Variants in FOXO1 observed in about 807,000 individuals in gnomAD.
The protein encoded by FOXO1 is forkhead box O1.
A neutral mutation model predicts 44.1 loss-of-function variants in FOXO1; 6 were observed. The ratio of observed to expected loss-of-function variants is 0.14; its 90% CI spans 0.07 to 0.27. The LOEUF is 0.27. FOXO1 is among the 10% of genes least tolerant of loss of function. FOXO1 has a pLI of 1.00. For synonymous variants in FOXO1, 380 were observed against 362.7 expected (o/e 1.05, Z -0.54); for missense variants, 737 against 888.8 (o/e 0.83, Z 2.17).
chr13:40,619,948 AG>A (rs2137900901), intron 1 of FOXO1: 2 of 678,140 alleles, frequency 2.9e-6, no homozygotes, highest in African/African-American at 3.6e-5. Flanking sequence ...AGGGCCAATA[AG>A]ATCTACTATA....
intron 1 of FOXO1, among the ~76,000 whole-genome samples, chr13:40,657,418 C>T (rs1877894312): frequency 6.6e-6 from 1 of 151,788 alleles, no homozygotes; most frequent in Admixed American, 6.6e-5. Flanking sequence ...CCTCCAACCC[C>T]CTGCCCCAAG....
chr13:40,658,993 C>A (rs1280837550), intron 1 of FOXO1, among the ~76,000 whole-genome samples: 2 of 151,500 alleles, frequency 1.3e-5, no homozygotes, highest in Non-Finnish European at 2.9e-5. Flanking sequence ...GCCTGGATGA[C>A]TGAGCAAGAC....
chr13:40,635,039 T>G (rs1877100626), intron 1 of FOXO1, among the ~76,000 whole-genome samples: 1 of 152,152 alleles, frequency 6.6e-6, no homozygotes, highest in Non-Finnish European at 1.5e-5. Flanking sequence ...GCATCATTCA[T>G]TAAAATCTAA....
intron 1 of FOXO1, among the ~76,000 whole-genome samples, chr13:40,650,201 A>G (rs1877634931): frequency 6.6e-6 from 1 of 152,202 alleles, no homozygotes; most frequent in African/African-American, 2.4e-5. Flanking sequence ...GTAAACTGTC[A>G]TGGGGCTTGT....
At chr13:40,648,118 T>G (rs1222732195) in intron 1 of FOXO1, among the ~76,000 whole-genome samples, 3 of 152,210 alleles carry the variant, frequency 2.0e-5, no homozygotes, top group African/African-American at 7.2e-5. Flanking sequence ...TCAATTTAAT[T>G]ATTGGCTCAG....
At chr13:40,575,342 A>T (rs1342153648) in intron 1 of FOXO1, among the ~76,000 whole-genome samples, 1 of 152,012 alleles carries the variant, frequency 6.6e-6, no homozygotes, top group Non-Finnish European at 1.5e-5. Context: ...TAAATAAGGG[A>T]CCATTCAGAG....
intron 1 of FOXO1, among the ~76,000 whole-genome samples, chr13:40,617,681 C>A (rs547815186): frequency 1.3e-5 from 2 of 151,824 alleles, no homozygotes; most frequent in South Asian, 4.2e-4. Flanking sequence ...GAAGGAATAC[C>A]AAACATGTTG....
At chr13:40,615,254 GGGCCAGACGCAGT>G (rs1876380062) in intron 1 of FOXO1, among the ~76,000 whole-genome samples, 1 of 152,150 alleles carries the variant, frequency 6.6e-6, no homozygotes, top group South Asian at 2.1e-4. Flanking sequence ...AAAGCAGAGG[GGGCCAGACGCAGT>G]GGCTCACGCC....
At position 40,560,242 on chromosome 13, in the gene FOXO1, G is replaced by A; in HGVS notation, c.1249C>T (p.Pro417Ser). 1 of 1,614,208 alleles carries A rather than the reference G, an allele frequency of 6.2e-7. No homozygotes were observed. The highest frequency in any genetic ancestry group is 8.5e-7 in the Non-Finnish European group (1 of 1,180,044). The change falls in exon 2 of 3, where the codon CCC becomes TCC. Residue 417 changes from proline to serine, a missense_variant. This residue lies in a region of FOXO1 where 283 missense variants were observed against 278.1 expected (regional missense o/e 1.02). Coordinates refer to ENST00000379561, the MANE Select transcript of FOXO1 (RefSeq NM_002015.4). This position sits in a 1 kb window ranked among gnomAD's most constrained non-coding sequence, Gnocchi z 5.1. ...FAPPNTSLNSPSPNYQKYTYG... is the reference protein window; with the variant it reads ...FAPPNTSLNSSSPNYQKYTYG... ...GTATATTTTTGGTAGTTTGGGCTGGGTGAATTCAAACTGGTGTTTGGTGGC... is the reference window on the plus strand; with the variant it reads ...GTATATTTTTGGTAGTTTGGGCTGGATGAATTCAAACTGGTGTTTGGTGGC...
At chr13:40,623,093 CCTTTCT>C (rs1876669501) in intron 1 of FOXO1, among the ~76,000 whole-genome samples, 1 of 151,734 alleles carries the variant, frequency 6.6e-6, no homozygotes, top group Non-Finnish European at 1.5e-5. Flanking sequence ...CATTTATTCA[CCTTTCT>C]CTAAGTTATC....
At chr13:40,597,185 T>C (rs1875612296) in intron 1 of FOXO1, among the ~76,000 whole-genome samples, 1 of 126,810 alleles carries the variant, frequency 7.9e-6, no homozygotes, top group African/African-American at 3.2e-5. Flanking sequence ...AATGCTTTAA[T>C]ATCTAGTCTT....
rs1873776959 is a variant in FOXO1, at chr13:40,556,949, A to G, written c.*2100T>C. On this transcript the variant is annotated 3_prime_UTR_variant, in exon 3 of 3. Transcript: ENST00000379561. Reference sequence around the variant, plus strand: ...ATACCCGGGAGGCTGTGCTTAGAGGAACTTGGGTTTCTAAAACCAGCTATG... The same window carrying G: ...ATACCCGGGAGGCTGTGCTTAGAGGGACTTGGGTTTCTAAAACCAGCTATG... The G allele has an allele frequency of 6.6e-6, 1 of 152,196 alleles. No individual in the cohort carries two copies. The highest frequency in any genetic ancestry group is 2.4e-5 in the African/African-American group (1 of 41,442). The allele number at this position is 152,196 out of a possible 1,614,324, so 9.4% of individuals were successfully genotyped here.
chr13:40,642,230 C>T (rs1877375088), intron 1 of FOXO1, among the ~76,000 whole-genome samples: 5 of 152,146 alleles, frequency 3.3e-5, no homozygotes, highest in African/African-American at 1.2e-4. Context: ...CTTTGAAAAA[C>T]AGGTCTAATT....
At chr13:40,578,810 A>G (rs1468573677) in intron 1 of FOXO1, among the ~76,000 whole-genome samples, 2 of 152,230 alleles carry the variant, frequency 1.3e-5, no homozygotes, top group Non-Finnish European at 2.9e-5. Flanking sequence ...AACAAGAGCA[A>G]AACTGTTCCC....
chr13:40,644,173 C>CAG (rs542226302), intron 1 of FOXO1, among the ~76,000 whole-genome samples: 2 of 152,198 alleles, frequency 1.3e-5, no homozygotes, highest in South Asian at 4.1e-4. Context: ...ACCTTTTGTC[C>CAG]AGTGATCTCG....
chr13:40,610,856 C>T (rs1458317782), intron 1 of FOXO1, among the ~76,000 whole-genome samples: 1 of 152,178 alleles, frequency 6.6e-6, no homozygotes, highest in Non-Finnish European at 1.5e-5. Flanking sequence ...AATGCATTCA[C>T]TACATCAAGA....
chr13:40,564,980 C>A (rs1025298180), intron 1 of FOXO1, among the ~76,000 whole-genome samples: 1 of 151,610 alleles, frequency 6.6e-6, no homozygotes, highest in Non-Finnish European at 1.5e-5. Context: ...AGTCGGGGAA[C>A]CCCGACATGG....
intron 1 of FOXO1, among the ~76,000 whole-genome samples, chr13:40,647,646 C>G (rs1877554309): frequency 6.6e-6 from 1 of 152,158 alleles, no homozygotes; most frequent in Admixed American, 6.6e-5. Flanking sequence ...CTCAAGTGAG[C>G]CACCAGCCTC....
At chr13:40,596,624 G>A (rs892000108) in intron 1 of FOXO1, among the ~76,000 whole-genome samples, 10 of 152,186 alleles carry the variant, frequency 6.6e-5, no homozygotes, top group African/African-American at 2.4e-4. Flanking sequence ...CCCAGCCAGT[G>A]AGCATCTAGG....
Sources: allele counts gnomAD v4.1 joint callset (sites outside exome capture counted in the v4.1 genomes callset), GRCh38; gene constraint gnomAD v4.1.1; regional missense constraint gnomAD v4.1.1; non-coding constraint Gnocchi (gnomAD v3.1); transcripts MANE v1.5; gene names NCBI Gene and HGNC (gene_info 2026-07-23, HGNC 2026-07-21).